PDE7B: variants seen among roughly 807,000 people sequenced by gnomAD.
PDE7B encodes phosphodiesterase 7B.
Under a neutral mutation model 56.2 loss-of-function variants are expected in PDE7B, and 29 were observed. The ratio of observed to expected loss-of-function variants is 0.52; its 90% CI spans 0.38 to 0.70. PDE7B has a LOEUF of 0.70. Ranked by LOEUF, PDE7B falls within the 30% of genes least tolerant of loss-of-function variation. PDE7B has a pLI of 0.00. For missense variants in PDE7B, 490 were observed against 565.0 expected (o/e 0.87, Z 1.35); for synonymous variants, 197 against 196.9 (o/e 1.00, Z 0.00).
At chr6:135,887,889 G>A (rs1775737374) in intron 1 of PDE7B, among the ~76,000 whole-genome samples, 1 of 152,086 alleles carries the variant, frequency 6.6e-6, no homozygotes, top group Non-Finnish European at 1.5e-5. Context: ...TCAGCCCAAT[G>A]TTTAGATTCC....
At chr6:136,078,238 A>G (rs1777152681) in intron 2 of PDE7B, among the ~76,000 whole-genome samples, 1 of 152,232 alleles carries the variant, frequency 6.6e-6, no homozygotes, top group Non-Finnish European at 1.5e-5. Flanking sequence ...AGGAAAAAGA[A>G]TTCCCATGTC....
chr6:135,901,723 C>T (rs747463427), intron 1 of PDE7B, among the ~76,000 whole-genome samples: 12 of 152,098 alleles, frequency 7.9e-5, no homozygotes, highest in Admixed American at 3.3e-4. Context: ...TCAATTCCAG[C>T]GCACTATGCT....
intron 2 of PDE7B, among the ~76,000 whole-genome samples, chr6:136,090,996 G>C (rs1777376082): frequency 6.6e-6 from 1 of 152,104 alleles, no homozygotes. Flanking sequence ...ATTCCAACAG[G>C]ACACAATTCA....
rs1215395449 is a variant in PDE7B, at chr6:136,015,532, CTGAGAA to C, written c.82+68010_82+68015del. 3.3e-5 allele frequency among the ~76,000 whole-genome samples: 5 copies of C among 152,080 alleles called. 1 individual carries two copies. The highest frequency in any genetic ancestry group is 7.4e-5 in the Non-Finnish European group (5 of 68,016). On this transcript the variant is annotated intron_variant, in intron 2 of 12. Coordinates refer to ENST00000308191, the MANE Select transcript of PDE7B (RefSeq NM_018945.4). ...AATTTTTCTCAAGAGGCTTTTCCGC[CTGAGAA>C]TAAGTAATATTTAAAATAAGAGAAA...
chr6:136,010,884 G>A (rs192003885), intron 2 of PDE7B, among the ~76,000 whole-genome samples: 6 of 152,210 alleles, frequency 3.9e-5, no homozygotes, highest in Admixed American at 1.3e-4. Context: ...AGTTCTGATG[G>A]GCTGTTGAAA....
chr6:135,986,194 G>A (rs1231891231), intron 2 of PDE7B, among the ~76,000 whole-genome samples: 1 of 152,192 alleles, frequency 6.6e-6, no homozygotes, highest in Non-Finnish European at 1.5e-5. Context: ...TTGATAGTGA[G>A]TGTGAGATGC....
At chr6:135,875,413 AAT>A (rs1352835409) in intron 1 of PDE7B, among the ~76,000 whole-genome samples, 1 of 152,096 alleles carries the variant, frequency 6.6e-6, no homozygotes. Context: ...CTAGAATAAA[AAT>A]ATAAATAAAT....
intron 8 of PDE7B, among the ~76,000 whole-genome samples, chr6:136,171,323 G>C (rs986481749): frequency 1.3e-5 from 2 of 152,160 alleles, no homozygotes; most frequent in Admixed American, 6.6e-5. Flanking sequence ...CCAAGGTGCT[G>C]GTCACAAAGA....
chr6:135,959,044 T>C (rs1774852300), intron 2 of PDE7B, among the ~76,000 whole-genome samples: 1 of 152,208 alleles, frequency 6.6e-6, no homozygotes, highest in African/African-American at 2.4e-5. Flanking sequence ...TTTTCTGACT[T>C]GTAATTTAAG....
intron 1 of PDE7B, among the ~76,000 whole-genome samples, chr6:135,906,832 T>TTTTTTTTTTTG (rs1257351941): frequency 6.9e-6 from 1 of 144,008 alleles, no homozygotes; most frequent in African/African-American, 2.7e-5. Flanking sequence ...TTTTTTTTTT[T>TTTTTTTTTTTG]TTTTAATCCT....
At chr6:136,126,183 G>A (rs1032235069) in intron 3 of PDE7B, among the ~76,000 whole-genome samples, 14 of 152,168 alleles carry the variant, frequency 9.2e-5, no homozygotes, top group Non-Finnish European at 1.5e-4. Flanking sequence ...TGTTGGAAAT[G>A]CAGTCAACTA....
intron 2 of PDE7B, among the ~76,000 whole-genome samples, chr6:136,003,682 A>G (rs1173397155): frequency 2.6e-5 from 4 of 152,204 alleles, no homozygotes; most frequent in Non-Finnish European, 5.9e-5. Context: ...TAGACCAATA[A>G]CAGGCTCTGA....
Position 136,056,512 on chromosome 6 carries a change from CTTTTTTTTTTTTTTTTTTT to C in PDE7B, c.83-52200_83-52182del, listed in dbSNP as rs542232291. 5.6e-3 allele frequency among the ~76,000 whole-genome samples: 303 copies of C among 53,946 alleles called. 12 individuals carry two copies. In the East Asian group the frequency reaches 0.12, roughly 22 times the overall value. 35.4% of individuals were successfully genotyped at this position (53,946 alleles called of 152,430 possible). On this transcript the variant is annotated intron_variant, in intron 2 of 12. Transcript: ENST00000308191. ...TCTGAGCTCCTTTGCAGATAGAATC[CTTTTTTTTTTTTTTTTTTT>C]TTTTTTTTTTTTTTTTTTGACAAGA... is the stretch of plus-strand genomic sequence containing the variant.
chr6:135,937,356 C>T (rs1774438210), intron 1 of PDE7B, among the ~76,000 whole-genome samples: 1 of 152,218 alleles, frequency 6.6e-6, no homozygotes, highest in African/African-American at 2.4e-5. Context: ...CCTTCCTGAT[C>T]TGGCCCCTGC....
At chr6:135,893,150 G>A (rs1385004200) in intron 1 of PDE7B, among the ~76,000 whole-genome samples, 1 of 151,760 alleles carries the variant, frequency 6.6e-6, no homozygotes, top group Non-Finnish European at 1.5e-5. Context: ...CATGTGCCAT[G>A]TTGGTGTGCT....
intron 2 of PDE7B, among the ~76,000 whole-genome samples, chr6:136,070,987 T>A (rs535937349): frequency 6.6e-6 from 1 of 152,226 alleles, no homozygotes; most frequent in South Asian, 2.1e-4. Context: ...AGAGCCAGCA[T>A]GAGGAGCCCT....
chr6:136,003,799 C>T (rs530489962), intron 2 of PDE7B, among the ~76,000 whole-genome samples: 1 of 152,300 alleles, frequency 6.6e-6, no homozygotes, highest in African/African-American at 2.4e-5. Context: ...ACCATTCCTT[C>T]TGAAACTATT....
chr6:135,882,385 T>A (rs1454993600), intron 1 of PDE7B, among the ~76,000 whole-genome samples: 1 of 152,184 alleles, frequency 6.6e-6, no homozygotes, highest in African/African-American at 2.4e-5. Flanking sequence ...TCTCCCTCTG[T>A]GTTTTTCCTG....
rs527740742 is a variant in PDE7B, at chr6:135,876,858, C to CA, written c.21+24853dup. Among the ~76,000 whole-genome samples, 1,236 of 141,636 alleles carry CA rather than the reference C, an allele frequency of 8.7e-3. 7 individuals are homozygous for CA. Among genetic ancestry groups the CA allele is most frequent in the African/African-American group, 0.022 (858 of 39,806 alleles). 92.9% of individuals were successfully genotyped at this position (141,636 alleles called of 152,430 possible). A position where few individuals can be genotyped will look rare whatever the true frequency, so the allele number is the denominator to read the frequency against. On this transcript the variant is annotated intron_variant, in intron 1 of 12. Coordinates refer to ENST00000308191, the MANE Select transcript of PDE7B (RefSeq NM_018945.4). ...TGGGTGACAGTGAGAGACTCTGTGTCAAAAAAAAAAAAAATTCCCATCCAT... is the reference window on the plus strand; with the variant it reads ...TGGGTGACAGTGAGAGACTCTGTGTCAAAAAAAAAAAAAAATTCCCATCCAT...
Sources: gnomAD v4.1 joint callset for allele counts (sites outside exome capture counted in the v4.1 genomes callset) on GRCh38, gnomAD v4.1.1 for gene constraint, MANE v1.5 for transcripts, NCBI Gene and HGNC (gene_info 2026-07-23, HGNC 2026-07-21) for gene names.